The following ULK4 variants were observed in gnomAD, a reference collection of about 807,000 sequenced individuals.
ULK4 encodes inactive serine/threonine-protein kinase ULK4.
ULK4 carries 133 observed loss-of-function variants against 160.6 expected under a neutral mutation model. That is an observed-to-expected ratio of 0.83 (90% confidence interval 0.72 to 0.96). The LOEUF is 0.96. ULK4 is among the 40% of genes least tolerant of loss of function. The probability of loss-of-function intolerance (pLI) is 0.00; values close to 1 mark genes in which losing one functional copy is unlikely to be tolerated. For missense variants in ULK4, 1,580 were observed against 1,499.5 expected (o/e 1.05, Z -0.89); for synonymous variants, 534 against 539.8 (o/e 0.99, Z 0.15).
In ULK4 at chr3:41,358,293, CAATGAGGATAAGAATGTACA is replaced by C. The variant is rs551618889; in HGVS notation, c.3678+39766_3678+39785del. ...ACAATTATAGGTGTTAGGTATATAG[CAATGAGGATAAGAATGTACA>C]AATTCATTATCTATGTAGTGCCTGT... On this transcript the variant is annotated intron_variant, in intron 35 of 36. Transcript: ENST00000301831. 4.1e-4 allele frequency among the ~76,000 whole-genome samples: 63 copies of C among 152,248 alleles called. No individual in the cohort carries two copies. The East Asian group carries it at 9.5e-3, about 23-fold the overall frequency.
At chr3:41,562,074 T>C (rs2087599778) in intron 32 of ULK4, among the ~76,000 whole-genome samples, 1 of 152,240 alleles carries the variant, frequency 6.6e-6, no homozygotes, top group South Asian at 2.1e-4. Context: ...TTGTTCTCAT[T>C]GGTTTCAAAG....
intron 17 of ULK4, among the ~76,000 whole-genome samples, chr3:41,853,146 G>A (rs753847229): frequency 1.1e-4 from 17 of 150,812 alleles, no homozygotes; most frequent in African/African-American, 3.0e-4. Flanking sequence ...TGAAGAGTCT[G>A]TAAAAACATA....
chr3:41,621,483 T>TCAA lies in ULK4; in HGVS notation c.3072-5769_3072-5767dup, dbSNP rs773718554. ...TCACCCATCTACAACCATCTGATCT[T>TCAA]CAACAAACCTGACAAAAACAAAAAT... is the stretch of plus-strand genomic sequence containing the variant. On this transcript the variant is annotated intron_variant, in intron 30 of 36. Transcript: ENST00000301831. 9.9e-5 allele frequency among the ~76,000 whole-genome samples: 15 copies of TCAA among 152,282 alleles called. No individual in the cohort carries two copies. In the East Asian group the frequency reaches 1.2e-3, roughly 12 times the overall value.
chr3:41,533,838 C>T (rs2700434), intron 32 of ULK4, among the ~76,000 whole-genome samples: 62,370 of 152,030 alleles, frequency 0.41, 14,250 homozygotes, highest in Non-Finnish European at 0.51. Flanking sequence ...GATGGAGTCT[C>T]GCTCTTTCGC....
intron 34 of ULK4, among the ~76,000 whole-genome samples, chr3:41,430,975 C>T (rs2082890022): frequency 1.3e-5 from 2 of 152,174 alleles, no homozygotes; most frequent in African/African-American, 2.4e-5. Flanking sequence ...ATAAGTCCCA[C>T]TTCTAAAGAC....
intron 2 of ULK4, among the ~76,000 whole-genome samples, chr3:41,939,237 T>C (rs1330975031): frequency 6.6e-6 from 1 of 151,374 alleles, no homozygotes; most frequent in African/African-American, 2.4e-5. Flanking sequence ...CTCGGCTCAC[T>C]GCACCCTCTG....
chr3:41,875,790 CAT>C (rs1366496683), intron 17 of ULK4, among the ~76,000 whole-genome samples: 1 of 151,794 alleles, frequency 6.6e-6, no homozygotes, highest in Non-Finnish European at 1.5e-5. Flanking sequence ...GCATACATCA[CAT>C]GAGAGCTAAA....
chr3:41,635,569 T>C (rs552360259), intron 30 of ULK4, among the ~76,000 whole-genome samples: 141 of 152,318 alleles, frequency 9.3e-4, no homozygotes, highest in Admixed American at 2.7e-3. Flanking sequence ...TTTCTACTTA[T>C]ACATGACATA....
chr3:41,256,077 C>G (rs1182696733), intron 35 of ULK4, among the ~76,000 whole-genome samples: 1 of 152,030 alleles, frequency 6.6e-6, no homozygotes, highest in African/African-American at 2.4e-5. Context: ...TAAATGGATA[C>G]ACAATATTCA....
At chr3:41,884,151 C>T (rs1023851493) in intron 16 of ULK4, among the ~76,000 whole-genome samples, 199 bp from the exon 17 acceptor site, 4 of 152,090 alleles carry the variant, frequency 2.6e-5, no homozygotes, top group African/African-American at 7.2e-5. Context: ...AGACACGAAC[C>T]GTAATGTCCG....
intron 31 of ULK4, 43 bp from the exon 32 acceptor site, chr3:41,566,173 A>G (rs771649751): frequency 5.9e-6 from 9 of 1,515,324 alleles, no homozygotes; most frequent in African/African-American, 1.4e-5. Flanking sequence ...ACAGAAATAC[A>G]ATTACATCAT....
chr3:41,797,807 G>A (rs899413773), intron 20 of ULK4, among the ~76,000 whole-genome samples: 5 of 151,854 alleles, frequency 3.3e-5, no homozygotes, highest in Admixed American at 2.0e-4. Flanking sequence ...GTTGCAGTGA[G>A]CCAAGATCAC....
chr3:41,937,368 TAA>T (rs1699810331), intron 3 of ULK4: 1 of 685,602 alleles, frequency 1.5e-6, no homozygotes, highest in Non-Finnish European at 2.6e-6. Context: ...TAAAATCAAA[TAA>T]GTTATTAATC....
intron 35 of ULK4, among the ~76,000 whole-genome samples, chr3:41,361,230 G>A (rs1412732072): frequency 6.6e-6 from 1 of 152,108 alleles, no homozygotes; most frequent in Non-Finnish European, 1.5e-5. Flanking sequence ...CTCCTTATCT[G>A]TTTCCTCAGT....
intron 12 of ULK4, 78 bp from the exon 13 acceptor site, chr3:41,900,907 A>C (rs1698329462): frequency 1.0e-6 from 1 of 987,634 alleles, no homozygotes; most frequent in Non-Finnish European, 1.6e-6. Flanking sequence ...TAAGATGCTG[A>C]GGAAGACACC....
intron 35 of ULK4, among the ~76,000 whole-genome samples, chr3:41,294,195 GTGC>G (rs1271549093): frequency 6.6e-6 from 1 of 152,148 alleles, no homozygotes; most frequent in Non-Finnish European, 1.5e-5. Context: ...GAATGGTTTA[GTGC>G]TGCTATAAAA....
intron 25 of ULK4, among the ~76,000 whole-genome samples, chr3:41,714,364 A>C (rs1319722945): frequency 2.0e-5 from 3 of 152,184 alleles, no homozygotes; most frequent in Admixed American, 1.3e-4. Flanking sequence ...TTGTTGTGGC[A>C]ATCTTTTTTT....
chr3:41,776,584 G>GGGCCAGATGCCGTGGCTCAC (rs1553650530), intron 21 of ULK4, among the ~76,000 whole-genome samples: 1 of 146,474 alleles, frequency 6.8e-6, no homozygotes, highest in Admixed American at 6.7e-5. Flanking sequence ...GGTACAAAAT[G>GGGCCAGATGCCGTGGCTCAC]AAATACGTCC....
chr3:41,908,033 T>C, intron 11 of ULK4, 92 bp from the exon 12 acceptor site: 1 of 823,210 alleles, frequency 1.2e-6, no homozygotes, highest in Non-Finnish European at 1.8e-6. Flanking sequence ...TCATGAAAAA[T>C]GGTAGAGTAT....
Sources: allele counts gnomAD v4.1 joint callset (sites outside exome capture counted in the v4.1 genomes callset), GRCh38; gene constraint gnomAD v4.1.1; transcripts MANE v1.5; gene names NCBI Gene and HGNC (gene_info 2026-07-23, HGNC 2026-07-21).